TMEM214: variants seen among roughly 807,000 people sequenced by gnomAD.
The protein encoded by TMEM214 is transmembrane protein 214.
Under a neutral mutation model 89.8 loss-of-function variants are expected in TMEM214, and 71 were observed. The ratio of observed to expected loss-of-function variants is 0.79; its 90% CI spans 0.65 to 0.96. The LOEUF is 0.96. Ranked by LOEUF, TMEM214 falls within the 40% of genes least tolerant of loss-of-function variation. The probability of loss-of-function intolerance (pLI) is 0.00; values close to 1 mark genes in which losing one functional copy is unlikely to be tolerated. For missense variants in TMEM214, 754 were observed against 843.4 expected, an observed-to-expected ratio of 0.89 and a Z score of 1.31; for synonymous variants, 332 against 349.5, an observed-to-expected ratio of 0.95 and a Z score of 0.56.
rs747756231 is a variant in TMEM214, at chr2:27,038,777, A to G, written c.1369A>G (p.Asn457Asp). Residue 457 changes from asparagine (N) to aspartate (D), a missense_variant, in exon 12 of 17, where the codon AAC (asparagine) becomes GAC (aspartate). By Grantham distance (23) the Asn-to-Asp change is conservative (BLOSUM62 1). Coordinates refer to ENST00000238788, the MANE Select transcript of TMEM214 (RefSeq NM_017727.5). The surrounding 1 kb of genome is among the most constrained non-coding windows in gnomAD (Gnocchi z 4.4). ...NQELLRKGSSNNQDVVTCDMA... is the reference protein window; with the variant it reads ...NQELLRKGSSDNQDVVTCDMA... ...GGAGCTGCTGAGGAAGGGTAGCAGT[A>G]ACAACCAGGATGTCGTCACCTGTGA... The G allele has an allele frequency of 6.2e-7, 1 of 1,614,190 alleles. No homozygotes were observed. The highest frequency in any genetic ancestry group is 8.5e-7 in the Non-Finnish European group (1 of 1,180,022).
At chr2:27,033,859 A>T (rs1486613060) in intron 1 of TMEM214, among the ~76,000 whole-genome samples, 1 of 152,082 alleles carries the variant, frequency 6.6e-6, no homozygotes, top group East Asian at 1.9e-4. Flanking sequence ...ATCTTTATGA[A>T]AGAGCCCATA....
At chr2:27,039,626 A>G in intron 13 of TMEM214, 115 bp from the exon 14 acceptor site, 1 of 918,562 alleles carries the variant, frequency 1.1e-6, no homozygotes, top group Non-Finnish European at 1.8e-6. Context: ...TGGCCCTGTG[A>G]GAACACAAAG....
chr2:27,039,219 C>G, intron 13 of TMEM214, 55 bp downstream of exon 13: 3 of 1,449,166 alleles, frequency 2.1e-6, no homozygotes, highest in South Asian at 1.2e-5. Context: ...CAGAGCTACA[C>G]GTAGCACCAC....
In TMEM214 at chr2:27,034,211, C is replaced by T. The variant is rs1667451349; in HGVS notation, c.296C>T (p.Pro99Leu). 1 of 1,614,162 alleles carries T rather than the reference C, an allele frequency of 6.2e-7. No individual in the cohort carries two copies. Among genetic ancestry groups the T allele is most frequent in the Non-Finnish European group, 8.5e-7 (1 of 1,180,054 alleles). Residue 99 changes from proline (P) to leucine (L), a missense_variant, in exon 2 of 17, where the codon CCC becomes CTC. Pro to Leu is a moderately conservative substitution (Grantham distance 98). Transcript: ENST00000238788. ...KKQPKKVATP[P>L]NQNQKQGRFR... ...CAGCCAAAGAAGGTGGCAACTCCTC[C>T]CAACCAAAACCAGAAGCAGGGCCGC...
intron 13 of TMEM214, 132 bp from the exon 14 acceptor site, chr2:27,039,609 G>A (rs1667728779): frequency 1.3e-6 from 1 of 799,092 alleles, no homozygotes; most frequent in Non-Finnish European, 2.2e-6. Context: ...GCCTGGAGCT[G>A]GCTTTGTGGC....
At chr2:27,040,547 G>T (rs116134717) in intron 16 of TMEM214, 51 bp downstream of exon 16, 1 of 1,599,886 alleles carries the variant, frequency 6.3e-7, no homozygotes. Flanking sequence ...CCCCATTCCC[G>T]GGCCCCAGGG....
Position 27,041,150 on chromosome 2 carries a change from C to T in TMEM214, c.*313C>T, listed in dbSNP as rs1667816966. On this transcript the variant is annotated 3_prime_UTR_variant, in exon 17 of 17. Coordinates refer to ENST00000238788, the MANE Select transcript of TMEM214 (RefSeq NM_017727.5). ...CTCTGCCTTCCACTTCCTTCCATCT[C>T]ATTTCTAAACCCCAAACAGCTCATC... is the stretch of plus-strand genomic sequence containing the variant. 1 of 305,382 alleles carries T rather than the reference C, an allele frequency of 3.3e-6. No homozygotes were observed. The highest frequency in any genetic ancestry group is 2.1e-5 in the African/African-American group (1 of 47,240). The allele number at this position is 305,382 out of a possible 1,614,324, so 18.9% of individuals were successfully genotyped here.
chr2:27,034,331 A>T, intron 2 of TMEM214, 65 bp downstream of exon 2: 2 of 1,548,950 alleles, frequency 1.3e-6, no homozygotes, highest in African/African-American at 1.4e-5. Flanking sequence ...AGATGAGAGG[A>T]GGGGGAGGTG....
In TMEM214 at chr2:27,034,173, A is replaced by G; in HGVS notation, c.258A>G (p.Pro86=). The part of the protein sequence containing the change: ...VPPPAVEPKK[P]GNKKQPKKVA... ...CCCCTGCTGTGGAACCTAAGAAACC[A>G]GGGAACAAGAAGCAGCCAAAGAAGG... The change falls in exon 2 of 17, where the codon CCA becomes CCG. Residue 86 remains proline, a synonymous_variant. Transcript: ENST00000238788. 6.2e-7 allele frequency: 1 copy of G among 1,614,228 alleles called. No individual in the cohort carries two copies. Among genetic ancestry groups the G allele is most frequent in the Non-Finnish European group, 8.5e-7 (1 of 1,180,032 alleles).
chr2:27,038,447 C>G lies in TMEM214; in HGVS notation c.1245-37C>G. The stretch of plus-strand genomic sequence containing the variant: ...GGACAGGAGGATGGGTGAGGCTGCG[C>G]GAGCCACCTGACTAGGGGGTTGTGC... On this transcript the variant is annotated intron_variant, in intron 10 of 16. Transcript: ENST00000238788. This position sits in a 1 kb window ranked among gnomAD's most constrained non-coding sequence, Gnocchi z 4.4. 2 of 1,612,652 alleles carry G rather than the reference C, an allele frequency of 1.2e-6. No homozygotes were observed. The highest frequency in any genetic ancestry group is 1.7e-6 in the Non-Finnish European group (2 of 1,179,458).
At position 27,040,416 on chromosome 2, in the gene TMEM214, C is replaced by T. The variant is rs755553949; in HGVS notation, c.1863C>T (p.His621=). The change falls in exon 16 of 17, where the codon CAC becomes CAT. Residue 621 remains histidine, a synonymous_variant. Transcript: ENST00000238788. ...TGAGAGAGCTGCCCCTGCTTTTCCA[C>T]CAGAATGTGCTGCTGCCACTGTGGC... ...RYLRELPLLF[H]QNVLLPLWHL... The T allele has an allele frequency of 6.2e-7, 1 of 1,614,238 alleles. No homozygotes were observed. The highest frequency in any genetic ancestry group is 8.5e-7 in the Non-Finnish European group (1 of 1,180,042).
rs1667449475 is a variant in TMEM214, at chr2:27,034,178, A to C, written c.263A>C (p.Asn88Thr). ...GCTGTGGAACCTAAGAAACCAGGGA[A>C]CAAGAAGCAGCCAAAGAAGGTGGCA... is the stretch of plus-strand genomic sequence containing the variant. ...PPAVEPKKPG[N>T]KKQPKKVATP... Residue 88 changes from asparagine (N) to threonine (T), a missense_variant, in exon 2 of 17, where the codon AAC becomes ACC. Physicochemically the swap from Asn to Thr is moderately conservative, Grantham distance 65 (BLOSUM62 0). Transcript: ENST00000238788. 1.9e-6 allele frequency: 3 copies of C among 1,614,194 alleles called. No homozygotes were observed. The African/African-American group carries it at 4.0e-5, about 22-fold the overall frequency.
chr2:27,035,921 T>C, intron 4 of TMEM214, 49 bp from the exon 5 acceptor site: 1 of 1,605,502 alleles, frequency 6.2e-7, no homozygotes, highest in Non-Finnish European at 8.5e-7. Flanking sequence ...GATTTCAGGT[T>C]TGGGATGCCA....
rs1260850198 is a variant in TMEM214 at position 27,039,749 on chromosome 2, A to G, written c.1534A>G (p.Thr512Ala). 1.2e-6 allele frequency: 2 copies of G among 1,613,974 alleles called. No individual in the cohort carries two copies. The highest frequency in any genetic ancestry group is 3.3e-5 in the Admixed American group (2 of 60,016). The change falls in exon 14 of 17, where the codon ACT becomes GCT. Residue 512 changes from threonine (T) to alanine (A), a missense_variant. Transcript: ENST00000238788. The stretch of plus-strand genomic sequence containing the variant: ...AGGCCCCCTTTACTTAGCCTCCCTT[A>G]CTGGCCGGTTGCTTCGATCATCTGG... ...RSHSSFQASL[T>A]GRLLRSSGFL...
In TMEM214 at chr2:27,039,156, C is replaced by T; in HGVS notation, c.1517C>T (p.Ser506Phe). The change falls in exon 13 of 17, where the codon TCC becomes TTC. Residue 506 changes from serine (S) to phenylalanine (F), a missense_variant. Transcript: ENST00000238788. ...TGCCATGACCTCCGGTCACACAGCT[C>T]CTTCCAGGGTAAGCAGCAATGGGCA... The part of the protein sequence containing the change: ...FLCHDLRSHS[S>F]FQASLTGRLL... 2 of 1,613,580 alleles carry T rather than the reference C, an allele frequency of 1.2e-6. No homozygotes were observed. Among genetic ancestry groups the T allele is most frequent in the African/African-American group, 1.3e-5 (1 of 75,070 alleles).
In TMEM214 at chr2:27,035,668, C is replaced by G. The variant is rs774008514; in HGVS notation, c.577C>G (p.Leu193Val). The G allele has an allele frequency of 1.2e-6, 2 of 1,614,212 alleles. No individual in the cohort carries two copies. The highest frequency in any genetic ancestry group is 8.5e-7 in the Non-Finnish European group (1 of 1,180,046). ...GCTGCTGGCGAAGGCAGCAGGGTCT[C>G]TGGAGCTCTTTTTTGACCACTGTCT... ...RGLLAKAAGS[L>V]ELFFDHCLFT... Residue 193 changes from leucine to valine, a missense_variant, in exon 4 of 17, where the codon CTG (leucine) becomes GTG (valine). Physicochemically the swap from Leu to Val is conservative, Grantham distance 32. Transcript: ENST00000238788.
At chr2:27,034,412 AC>A in intron 2 of TMEM214, 146 bp downstream of exon 2, 2 of 871,888 alleles carry the variant, frequency 2.3e-6, no homozygotes, top group Non-Finnish European at 1.7e-6. Flanking sequence ...AAAGATGGAA[AC>A]CCCAGGGGAA....
Position 27,033,118 on chromosome 2 carries a change from C to T in TMEM214, c.103C>T (p.Arg35Cys). ...CGGCGGCCGAGGAGGCGGCAGGAAC[C>T]GCAGGGCGCTCGGGGAAGCAAACGG... ...GAGGRGGGRN[R>C]RALGEANGVW... The change falls in exon 1 of 17, where the codon CGC becomes TGC. Residue 35 changes from arginine to cysteine, a missense_variant. By Grantham distance (180) the Arg-to-Cys change is radical. Coordinates refer to ENST00000238788, the MANE Select transcript of TMEM214 (RefSeq NM_017727.5). 2 of 1,248,642 alleles carry T rather than the reference C, an allele frequency of 1.6e-6. No homozygotes were observed. The highest frequency in any genetic ancestry group is 2.0e-6 in the Non-Finnish European group (2 of 987,976). The allele number at this position is 1,248,642 out of a possible 1,614,324, so 77.3% of individuals were successfully genotyped here. A position where few individuals can be genotyped will look rare whatever the true frequency, so the allele number is the denominator to read the frequency against.
At position 27,040,061 on chromosome 2, in the gene TMEM214, T is replaced by A; in HGVS notation, c.1654T>A (p.Ser552Thr). The A allele has an allele frequency of 6.2e-7, 1 of 1,603,866 alleles. No homozygotes were observed. Reference sequence around the variant, plus strand: ...GGGGGAGACACTGCCGCTCTGGGGCTCCCACCTGCTCACCGTGGTGCGGCC... The same window carrying A: ...GGGGGAGACACTGCCGCTCTGGGGCACCCACCTGCTCACCGTGGTGCGGCC... Reference protein sequence around the residue: ...WLGETLPLWGSHLLTVVRPSL... With the variant: ...WLGETLPLWGTHLLTVVRPSL... The change falls in exon 15 of 17, where the codon TCC becomes ACC. Residue 552 changes from serine to threonine, a missense_variant. By Grantham distance (58) the Ser-to-Thr change is moderately conservative. Coordinates refer to ENST00000238788, the MANE Select transcript of TMEM214 (RefSeq NM_017727.5).
Sources: allele counts gnomAD v4.1 joint callset (sites outside exome capture counted in the v4.1 genomes callset), GRCh38; gene constraint gnomAD v4.1.1; non-coding constraint Gnocchi (gnomAD v3.1); transcripts MANE v1.5; gene names NCBI Gene and HGNC (gene_info 2026-07-23, HGNC 2026-07-21).